Variants in RERE observed in about 807,000 individuals in gnomAD.
The protein encoded by RERE is arginine-glutamic acid dipeptide repeats protein.
RERE carries 40 observed loss-of-function variants against 146.1 expected under a neutral mutation model. The observed-to-expected ratio is 0.27, with a 90% CI of 0.21 to 0.36. The LOEUF is 0.36. RERE is among the 10% of genes least tolerant of loss of function. The probability of loss-of-function intolerance (pLI) is 1.00; values close to 1 mark genes in which losing one functional copy is unlikely to be tolerated. For missense variants in RERE, 1,933 were observed against 2,138.7 expected, an observed-to-expected ratio of 0.90 and a Z score of 1.90; for synonymous variants, 1,003 against 866.0, an observed-to-expected ratio of 1.16 and a Z score of -2.78.
chr1:8,724,893 A>AAAAAAAAAC (rs1445255473), intron 1 of RERE, among the ~76,000 whole-genome samples: 2 of 149,764 alleles, frequency 1.3e-5, no homozygotes, highest in Non-Finnish European at 3.0e-5. Context: ...AAAAAAAACA[A>AAAAAAAAAC]CTCAACCTTC....
intron 8 of RERE, among the ~76,000 whole-genome samples, chr1:8,503,615 A>C (rs1210455062): frequency 6.6e-6 from 1 of 152,232 alleles, no homozygotes; most frequent in African/African-American, 2.4e-5. Flanking sequence ...GTTAAAAGAA[A>C]GGTAGCAAAA....
intron 7 of RERE, among the ~76,000 whole-genome samples, chr1:8,530,045 C>G (rs1645622461): frequency 6.6e-6 from 1 of 152,116 alleles, no homozygotes; most frequent in South Asian, 2.1e-4. Flanking sequence ...ACCACATTTT[C>G]TAGCCCATCG....
At chr1:8,731,275 A>G (rs1002962138) in intron 1 of RERE, among the ~76,000 whole-genome samples, 1 of 152,214 alleles carries the variant, frequency 6.6e-6, no homozygotes, top group African/African-American at 2.4e-5. Flanking sequence ...AAGAACATCA[A>G]AGAAAAAAAT....
chr1:8,426,449 C>CA lies in RERE; in HGVS notation c.1204-3643dup, dbSNP rs36061391. Among the ~76,000 whole-genome samples, 482 of 109,842 alleles carry CA rather than the reference C, an allele frequency of 4.4e-3. 2 individuals are homozygous for CA. The highest frequency in any genetic ancestry group is 6.2e-3 in the South Asian group (20 of 3,216). 72.1% of individuals were successfully genotyped at this position (109,842 alleles called of 152,430 possible). A position where few individuals can be genotyped will look rare whatever the true frequency, so the allele number is the denominator to read the frequency against. On this transcript the variant is annotated intron_variant, in intron 11 of 22. Transcript: ENST00000400908. Reference sequence around the variant, plus strand: ...AGCCTGGGCGACAGAGACTCTGTCTCAAAAAAAAAAAAAAAAAAAGTGTCT... The same window carrying CA: ...AGCCTGGGCGACAGAGACTCTGTCTCAAAAAAAAAAAAAAAAAAAAGTGTCT...
intron 12 of RERE, among the ~76,000 whole-genome samples, chr1:8,409,971 ATTTT>A (rs57424627): frequency 1.0e-4 from 10 of 95,378 alleles, no homozygotes; most frequent in Middle Eastern, 6.3e-3. Context: ...CAATCAGGCA[ATTTT>A]TTTTTTTTTT....
intron 1 of RERE, among the ~76,000 whole-genome samples, chr1:8,663,271 T>C (rs1330374834): frequency 1.3e-5 from 2 of 152,216 alleles, no homozygotes; most frequent in Non-Finnish European, 2.9e-5. Context: ...CTCATCTCCA[T>C]TGCTCAAGCC....
intron 1 of RERE, among the ~76,000 whole-genome samples, chr1:8,777,379 G>C (rs1289955475): frequency 6.6e-6 from 1 of 152,048 alleles, no homozygotes; most frequent in Non-Finnish European, 1.5e-5. Context: ...AAAGAACAAA[G>C]AGAATACCCA....
At position 8,718,706 on chromosome 1, in the gene RERE, G is replaced by T. The variant is rs1639806655; in HGVS notation, c.-144-62265C>A. Among the ~76,000 whole-genome samples the T allele has an allele frequency of 2.0e-5, 3 of 152,278 alleles. No individual in the cohort carries two copies. In the South Asian group the frequency reaches 6.2e-4, roughly 32 times the overall value. On this transcript the variant is annotated intron_variant, in intron 1 of 22. Coordinates refer to ENST00000400908, the MANE Select transcript of RERE (RefSeq NM_001042681.2). ...TCAGCAAATTTAGCCTAGTGGTAAA[G>T]GTCTCTAGCTCTGGAGTCAGATGGC... is the stretch of plus-strand genomic sequence containing the variant.
intron 12 of RERE, among the ~76,000 whole-genome samples, chr1:8,371,076 T>C (rs1021298016): frequency 2.0e-5 from 3 of 152,136 alleles, no homozygotes; most frequent in African/African-American, 7.2e-5. Context: ...CATGAGGAAC[T>C]CAACTGGTTT....
At chr1:8,699,534 A>G (rs1639403074) in intron 1 of RERE, among the ~76,000 whole-genome samples, 1 of 152,210 alleles carries the variant, frequency 6.6e-6, no homozygotes, top group Non-Finnish European at 1.5e-5. Flanking sequence ...TAAGACCCCA[A>G]TCATCATTAA....
At chr1:8,410,836 G>A (rs1054870358) in intron 12 of RERE, among the ~76,000 whole-genome samples, 4 of 152,170 alleles carry the variant, frequency 2.6e-5, no homozygotes, top group African/African-American at 7.2e-5. Flanking sequence ...AGTATGCACC[G>A]TGGCAGCCAG....
At chr1:8,558,318 C>T (rs1646030987) in intron 4 of RERE, among the ~76,000 whole-genome samples, 1 of 152,144 alleles carries the variant, frequency 6.6e-6, no homozygotes, top group Admixed American at 6.5e-5. Flanking sequence ...CTTCCATTAG[C>T]AAGTTATGGG....
chr1:8,437,855 G>C (rs1045529499), intron 11 of RERE, among the ~76,000 whole-genome samples: 1 of 152,252 alleles, frequency 6.6e-6, no homozygotes, highest in Admixed American at 6.5e-5. Context: ...AACCCAGGCT[G>C]AGACTTCTGC....
In RERE at chr1:8,643,110, T is replaced by C. The variant is rs112211818; in HGVS notation, c.325+12863A>G. Among the ~76,000 whole-genome samples, 1,408 of 152,258 alleles carry C rather than the reference T, an allele frequency of 9.2e-3. 14 individuals are homozygous for C. The highest frequency in any genetic ancestry group is 0.018 in the South Asian group (85 of 4,824). On this transcript the variant is annotated intron_variant, in intron 2 of 22. Coordinates refer to ENST00000400908, the MANE Select transcript of RERE (RefSeq NM_001042681.2). ...GGAAGATGCCATGGGTGTGAGTGAC[T>C]GTGAAAGGTGGGGGGATCCAAGAAT...
At chr1:8,507,554 G>A (rs192498502) in intron 8 of RERE, among the ~76,000 whole-genome samples, 589 of 151,422 alleles carry the variant, frequency 3.9e-3, no homozygotes, top group African/African-American at 7.9e-3. Context: ...GATTACATGC[G>A]CACACCACCA....
chr1:8,623,553 C>T (rs1280144537), intron 3 of RERE, among the ~76,000 whole-genome samples: 5 of 152,084 alleles, frequency 3.3e-5, no homozygotes, highest in Admixed American at 6.5e-5. Context: ...GCTGAAAAAT[C>T]GTTGTCCAGA....
At position 8,664,592 on chromosome 1, in the gene RERE, A is replaced by T. The variant is rs1284339; in HGVS notation, c.-144-8151T>A. Among the ~76,000 whole-genome samples, 101 of 152,148 alleles carry T rather than the reference A, an allele frequency of 6.6e-4. 1 individual carries two copies. The highest frequency in any genetic ancestry group is 2.4e-3 in the African/African-American group (99 of 41,504). ...GCACCACCATGCCTGGCTAATTTTTAAAATTTTTTGTAGAGACAGGGTCTC... is the reference window on the plus strand; with the variant it reads ...GCACCACCATGCCTGGCTAATTTTTTAAATTTTTTGTAGAGACAGGGTCTC... On this transcript the variant is annotated intron_variant, in intron 1 of 22. Coordinates refer to ENST00000400908, the MANE Select transcript of RERE (RefSeq NM_001042681.2).
intron 4 of RERE, among the ~76,000 whole-genome samples, chr1:8,561,656 C>T (rs1646080087): frequency 6.6e-6 from 1 of 152,158 alleles, no homozygotes; most frequent in African/African-American, 2.4e-5. Flanking sequence ...TGTATCTGTG[C>T]AATGGCACTG....
intron 11 of RERE, among the ~76,000 whole-genome samples, chr1:8,450,493 C>A (rs982697174): frequency 5.3e-5 from 8 of 152,088 alleles, no homozygotes; most frequent in African/African-American, 1.9e-4. Context: ...CCAGACTAGA[C>A]GTCCTTCTGA....
Sources: allele counts gnomAD v4.1 joint callset (sites outside exome capture counted in the v4.1 genomes callset), GRCh38; gene constraint gnomAD v4.1.1; transcripts MANE v1.5; gene names NCBI Gene and HGNC (gene_info 2026-07-23, HGNC 2026-07-21).